The following AKAP13 variants were observed in gnomAD, a reference collection of about 807,000 sequenced individuals.
AKAP13 encodes A-kinase anchoring protein 13.
In AKAP13, 80 loss-of-function variants were observed where a neutral mutation model predicts 264.5. The observed-to-expected ratio is 0.30, with a 90% CI of 0.25 to 0.36. The LOEUF is 0.36. Among genes scored for constraint, AKAP13 ranks in the 10% least tolerant of loss-of-function variants. The probability of loss-of-function intolerance (pLI) is 1.00; values close to 1 mark genes in which losing one functional copy is unlikely to be tolerated. For missense variants in AKAP13, 3,712 were observed against 3,435.2 expected, an observed-to-expected ratio of 1.08 and a Z score of -2.01; for synonymous variants, 1,380 against 1,250.2, an observed-to-expected ratio of 1.10 and a Z score of -2.19.
At chr15:85,614,879 C>T (rs1182517359) in intron 8 of AKAP13, among the ~76,000 whole-genome samples, 2 of 152,198 alleles carry the variant, frequency 1.3e-5, no homozygotes, top group African/African-American at 4.8e-5. Flanking sequence ...AAGCACCTGG[C>T]AAACAGGAGG....
Position 85,517,938 on chromosome 15 carries a change from G to A in AKAP13, c.34-3490G>A, listed in dbSNP as rs570440720. On this transcript the variant is annotated intron_variant, in intron 2 of 36. Coordinates refer to ENST00000394518, the MANE Select transcript of AKAP13 (RefSeq NM_007200.5). ...GCTGTTTCTTAAGTTCAGATTATTG[G>A]AAGAGGGTGGTGATGTAGGTGTGTA... Among the ~76,000 whole-genome samples the A allele has an allele frequency of 2.0e-5, 3 of 152,326 alleles. No individual in the cohort carries two copies. The South Asian group carries it at 6.2e-4, about 32-fold the overall frequency.
chr15:85,432,036 T>A (rs1291841797), intron 1 of AKAP13, among the ~76,000 whole-genome samples: 1 of 152,176 alleles, frequency 6.6e-6, no homozygotes, highest in Non-Finnish European at 1.5e-5. Flanking sequence ...AGAGGCACTT[T>A]CCAACACTGG....
intron 1 of AKAP13, among the ~76,000 whole-genome samples, chr15:85,422,753 C>G (rs550888759): frequency 1.3e-5 from 2 of 152,322 alleles, no homozygotes; most frequent in Admixed American, 1.3e-4. Context: ...CCCATCTCAG[C>G]AATGCAGATG....
intron 15 of AKAP13, among the ~76,000 whole-genome samples, chr15:85,683,255 A>C (rs951741378): frequency 6.6e-6 from 1 of 152,296 alleles, no homozygotes; most frequent in African/African-American, 2.4e-5. Context: ...TGTATTTTGT[A>C]AACAATGCAT....
intron 1 of AKAP13, among the ~76,000 whole-genome samples, chr15:85,398,947 C>T (rs1228781426): frequency 6.6e-6 from 1 of 152,148 alleles, no homozygotes; most frequent in Non-Finnish European, 1.5e-5. Context: ...TTCCCCATCA[C>T]CCTTCCTCCT....
In AKAP13 at chr15:85,724,586, T is replaced by G. The variant is rs2087492792; in HGVS notation, c.6745+1266T>G. Among the ~76,000 whole-genome samples, 1 of 151,548 alleles carries G rather than the reference T, an allele frequency of 6.6e-6. No homozygotes were observed. Among genetic ancestry groups the G allele is most frequent in the Non-Finnish European group, 1.5e-5 (1 of 67,948 alleles). Reference sequence around the variant, plus strand: ...CCCAAAGAAACGGGAGGGGCCAGGTTGTAATGAGGTGCATTCTCCAGACTG... The same window carrying G: ...CCCAAAGAAACGGGAGGGGCCAGGTGGTAATGAGGTGCATTCTCCAGACTG... On this transcript the variant is annotated intron_variant, in intron 26 of 36. Transcript: ENST00000394518. The surrounding 1 kb of genome is among the most constrained non-coding windows in gnomAD (Gnocchi z 4.2).
intron 10 of AKAP13, among the ~76,000 whole-genome samples, chr15:85,648,840 AAAAT>A (rs772365505): frequency 1.3e-5 from 2 of 152,168 alleles, no homozygotes; most frequent in Non-Finnish European, 2.9e-5. Context: ...CCCTGTCTCA[AAAAT>A]AAATAAATAA....
chr15:85,649,399 T>G (rs2082702754), intron 10 of AKAP13, among the ~76,000 whole-genome samples: 1 of 152,204 alleles, frequency 6.6e-6, no homozygotes, highest in Non-Finnish European at 1.5e-5. Context: ...GCTGCTTCCT[T>G]AAAAGTCTTC....
At chr15:85,422,364 G>A (rs1455890891) in intron 1 of AKAP13, among the ~76,000 whole-genome samples, 9 of 152,196 alleles carry the variant, frequency 5.9e-5, no homozygotes, top group Non-Finnish European at 1.2e-4. Flanking sequence ...TGTTCTGTAA[G>A]ATGAGGAAGA....
chr15:85,549,978 A>T (rs2077896051), intron 5 of AKAP13, among the ~76,000 whole-genome samples: 1 of 152,212 alleles, frequency 6.6e-6, no homozygotes, highest in South Asian at 2.1e-4. Context: ...GTGCAGTGGC[A>T]TGATTCCGGC....
chr15:85,699,620 A>C (rs2085792875), intron 17 of AKAP13, among the ~76,000 whole-genome samples: 1 of 152,228 alleles, frequency 6.6e-6, no homozygotes. Context: ...ATGTCTAAAA[A>C]CAAAATGTAA....
At chr15:85,732,080 C>CAAA (rs34426976) in intron 30 of AKAP13, among the ~76,000 whole-genome samples, 14 of 114,558 alleles carry the variant, frequency 1.2e-4, no homozygotes, top group East Asian at 7.5e-4. Context: ...GAGACTATCT[C>CAAA]AAAAAAAAAA....
In AKAP13 at chr15:85,581,532, T is replaced by C; in HGVS notation, c.3464T>C (p.Leu1155Pro). 1 of 1,614,080 alleles carries C rather than the reference T, an allele frequency of 6.2e-7. No homozygotes were observed. Among genetic ancestry groups the C allele is most frequent in the Non-Finnish European group, 8.5e-7 (1 of 1,180,004 alleles). Reference protein sequence around the residue: ...QGVGTPEMIPLDWEKGKLEGA... With the variant: ...QGVGTPEMIPPDWEKGKLEGA... ...GTTGGAACCCCAGAGATGATACCTC[T>C]TGATTGGGAGAAAGGGAAGCTGGAG... Residue 1155 changes from leucine (L) to proline (P), a missense_variant, in exon 7 of 37, where the codon CTT becomes CCT. Coordinates refer to ENST00000394518, the MANE Select transcript of AKAP13 (RefSeq NM_007200.5).
chr15:85,506,019 C>T (rs1363315044), intron 2 of AKAP13, among the ~76,000 whole-genome samples: 5 of 152,122 alleles, frequency 3.3e-5, no homozygotes, highest in South Asian at 2.1e-4. Flanking sequence ...TCAGGCCGGG[C>T]GTGGTGGCTC....
chr15:85,580,890 C>A lies in AKAP13; in HGVS notation c.2822C>A (p.Ala941Asp). 6.2e-7 allele frequency: 1 copy of A among 1,614,190 alleles called. No homozygotes were observed. The highest frequency in any genetic ancestry group is 8.5e-7 in the Non-Finnish European group (1 of 1,180,032). Residue 941 changes from alanine (A) to aspartate (D), a missense_variant, in exon 7 of 37, where the codon GCT becomes GAT. Ala to Asp is a moderately radical substitution (Grantham distance 126). Coordinates refer to ENST00000394518, the MANE Select transcript of AKAP13 (RefSeq NM_007200.5). ...ACCTGTTCCTCTATTAAGGAAAATG[C>A]TCTCTCTTCAGGAACTTTGCAGGAA... ...AVTCSSIKENALSSGTLQEEQ... is the reference protein window; with the variant it reads ...AVTCSSIKENDLSSGTLQEEQ...
intron 17 of AKAP13, among the ~76,000 whole-genome samples, chr15:85,699,942 A>G (rs1173473382): frequency 6.6e-6 from 1 of 152,236 alleles, no homozygotes; most frequent in Admixed American, 6.5e-5. Flanking sequence ...ATCTTGTGCT[A>G]TAGAGGACAA....
At chr15:85,560,148 A>C (rs1027111458) in intron 5 of AKAP13, among the ~76,000 whole-genome samples, 4 of 151,430 alleles carry the variant, frequency 2.6e-5, no homozygotes, top group South Asian at 4.2e-4. Flanking sequence ...AAAAAAAAAA[A>C]AAAAAAAAAC....
At chr15:85,434,229 G>T (rs2073161444) in intron 1 of AKAP13, among the ~76,000 whole-genome samples, 1 of 152,082 alleles carries the variant, frequency 6.6e-6, no homozygotes, top group Non-Finnish European at 1.5e-5. Context: ...TGGAAAATCG[G>T]GTCACTCCCA....
At chr15:85,701,812 C>T (rs1453816441) in intron 17 of AKAP13, among the ~76,000 whole-genome samples, 2 of 15,532 alleles carry the variant, frequency 1.3e-4, no homozygotes, top group East Asian at 3.8e-3. Context: ...TTGACTGTTA[C>T]CCTAATATGC....
Sources: allele counts gnomAD v4.1 joint callset (sites outside exome capture counted in the v4.1 genomes callset), GRCh38; gene constraint gnomAD v4.1.1; non-coding constraint Gnocchi (gnomAD v3.1); transcripts MANE v1.5; gene names NCBI Gene and HGNC (gene_info 2026-07-23, HGNC 2026-07-21).